Variants in CSMD3 observed in about 807,000 individuals in gnomAD.
CSMD3 encodes the protein CUB and Sushi multiple domains 3.
A neutral mutation model predicts 435.2 loss-of-function variants in CSMD3; 177 were observed. That is an observed-to-expected ratio of 0.41 (90% CI 0.36 to 0.46). The LOEUF is 0.46. Ranked by LOEUF, CSMD3 falls within the 20% of genes least tolerant of loss-of-function variation. The pLI is 0.34. For synonymous variants in CSMD3, 1,656 were observed against 1,520.5 expected (o/e 1.09, Z -2.07); for missense variants, 4,265 against 4,504.6 (o/e 0.95, Z 1.52).
intron 11 of CSMD3, among the ~76,000 whole-genome samples, chr8:112,839,532 C>T (rs2080121756): frequency 1.3e-5 from 2 of 151,622 alleles, no homozygotes; most frequent in African/African-American, 4.8e-5. Context: ...TGAAGAAAAT[C>T]CTTGCAGATA....
intron 4 of CSMD3, among the ~76,000 whole-genome samples, chr8:113,168,249 G>T (rs1285803633): frequency 2.0e-5 from 3 of 151,874 alleles, no homozygotes; most frequent in Non-Finnish European, 4.4e-5. Flanking sequence ...ATTTTAGACT[G>T]GACGTGGTGG....
intron 13 of CSMD3, among the ~76,000 whole-genome samples, chr8:112,762,649 GTTGTTA>G (rs1419238954): frequency 1.3e-5 from 2 of 151,910 alleles, no homozygotes; most frequent in African/African-American, 4.8e-5. Flanking sequence ...AAGTTATCAA[GTTGTTA>G]TTGTTTGTTT....
At chr8:112,544,414 C>G (rs1826966341) in intron 27 of CSMD3, among the ~76,000 whole-genome samples, 1 of 152,080 alleles carries the variant, frequency 6.6e-6, no homozygotes, top group Non-Finnish European at 1.5e-5. Context: ...TAAAACTGCC[C>G]TCTTCACTAG....
intron 36 of CSMD3, among the ~76,000 whole-genome samples, chr8:112,386,528 C>G (rs1025443108): frequency 6.6e-6 from 1 of 151,922 alleles, no homozygotes; most frequent in Admixed American, 6.6e-5. Flanking sequence ...GACAGAGTCT[C>G]GCTCTGTCGC....
chr8:113,041,276 G>T (rs184302633), intron 5 of CSMD3, among the ~76,000 whole-genome samples: 5 of 151,896 alleles, frequency 3.3e-5, no homozygotes, highest in Non-Finnish European at 7.4e-5. Flanking sequence ...GGAATGTGTG[G>T]GTCCTACCTT....
chr8:113,026,629 T>C (rs2086886261), intron 5 of CSMD3, among the ~76,000 whole-genome samples: 1 of 152,216 alleles, frequency 6.6e-6, no homozygotes, highest in South Asian at 2.1e-4. Context: ...CTGTCTTATA[T>C]ATGTCAAGAA....
At chr8:112,915,672 G>A (rs995941889) in intron 10 of CSMD3, among the ~76,000 whole-genome samples, 3 of 151,702 alleles carry the variant, frequency 2.0e-5, no homozygotes, top group African/African-American at 7.2e-5. Context: ...GGTAAATAAA[G>A]CATAAGAGAT....
chr8:113,193,259 G>A (rs968452176), intron 3 of CSMD3, among the ~76,000 whole-genome samples: 5 of 151,152 alleles, frequency 3.3e-5, no homozygotes, highest in African/African-American at 1.2e-4. Context: ...TCAGAGACAA[G>A]ACCTCCAATA....
intron 13 of CSMD3, among the ~76,000 whole-genome samples, chr8:112,716,985 A>G (rs1300984632): frequency 6.6e-6 from 1 of 152,160 alleles, no homozygotes; most frequent in Non-Finnish European, 1.5e-5. Flanking sequence ...AACCTAGGCA[A>G]TACCATTCAG....
intron 30 of CSMD3, among the ~76,000 whole-genome samples, chr8:112,502,585 C>T (rs905475586): frequency 3.3e-5 from 5 of 152,144 alleles, no homozygotes; most frequent in Non-Finnish European, 7.3e-5. Flanking sequence ...TGAAATTTAT[C>T]GTGACCTCTT....
intron 38 of CSMD3, among the ~76,000 whole-genome samples, chr8:112,366,465 T>C (rs1436560382): frequency 6.6e-6 from 1 of 152,216 alleles, no homozygotes; most frequent in Non-Finnish European, 1.5e-5. Context: ...TGGCACAATC[T>C]CGGCGCACTG....
chr8:112,924,224 G>C (rs145016473), intron 9 of CSMD3, among the ~76,000 whole-genome samples: 1 of 152,150 alleles, frequency 6.6e-6, no homozygotes, highest in African/African-American at 2.4e-5. Context: ...CAATTTAAGC[G>C]GCCAAAGATA....
At chr8:112,241,936 C>T (rs529823396) in intron 65 of CSMD3, 151 bp from the exon 66 acceptor site, 18 of 698,766 alleles carry the variant, frequency 2.6e-5, no homozygotes, top group East Asian at 1.3e-4. Context: ...TAAAATGTTC[C>T]GTTCATCACA....
intron 17 of CSMD3, among the ~76,000 whole-genome samples, chr8:112,659,236 C>T (rs150353681): frequency 2.5e-3 from 376 of 152,234 alleles, no homozygotes; most frequent in Non-Finnish European, 4.4e-3. Context: ...TATAAAAATA[C>T]ATTCTAATAA....
intron 58 of CSMD3, among the ~76,000 whole-genome samples, chr8:112,282,000 A>T (rs1818698623): frequency 6.6e-6 from 1 of 152,078 alleles, no homozygotes; most frequent in Admixed American, 6.6e-5. Flanking sequence ...TATTTTATAT[A>T]TGTGTTTAAC....
At chr8:113,106,841 TTC>T (rs2090492193) in intron 4 of CSMD3, among the ~76,000 whole-genome samples, 1 of 148,534 alleles carries the variant, frequency 6.7e-6, no homozygotes, top group African/African-American at 2.6e-5. Context: ...TTTATTCTCT[TTC>T]TTTTTTTTTC....
At chr8:112,509,931 A>C (rs1314200876) in intron 28 of CSMD3, among the ~76,000 whole-genome samples, 1 of 152,118 alleles carries the variant, frequency 6.6e-6, no homozygotes, top group Non-Finnish European at 1.5e-5. Context: ...TTGGTACATC[A>C]AATATAGAAT....
At chr8:112,344,020 C>A (rs1453865061) in intron 41 of CSMD3, among the ~76,000 whole-genome samples, 4 of 152,064 alleles carry the variant, frequency 2.6e-5, no homozygotes, top group Admixed American at 2.6e-4. Context: ...GTAGCTGCGA[C>A]TACAGGTGCG....
chr8:112,528,261 T>C (rs1413870070), intron 27 of CSMD3, among the ~76,000 whole-genome samples: 1 of 152,120 alleles, frequency 6.6e-6, no homozygotes, highest in African/African-American at 2.4e-5. Context: ...TCTATTCTAA[T>C]GATTTATCAT....
Sources: gnomAD v4.1 joint callset for allele counts (sites outside exome capture counted in the v4.1 genomes callset) on GRCh38, gnomAD v4.1.1 for gene constraint, MANE v1.5 for transcripts, NCBI Gene and HGNC (gene_info 2026-07-23, HGNC 2026-07-21) for gene names.